LCORL: variants seen among roughly 807,000 people sequenced by gnomAD.
LCORL encodes the protein ligand-dependent nuclear receptor corepressor-like protein.
Under a neutral mutation model 141.8 loss-of-function variants are expected in LCORL, and 41 were observed. The observed-to-expected ratio is 0.29, with a 90% confidence interval of 0.23 to 0.38. The LOEUF (loss-of-function observed/expected upper bound fraction) is 0.38, where lower values mean the gene tolerates loss of function less well. Among genes scored for constraint, LCORL ranks in the 10% least tolerant of loss-of-function variants. LCORL has a pLI of 1.00. For missense variants in LCORL, 1,759 were observed against 2,035.0 expected, an observed-to-expected ratio of 0.86 and a Z score of 2.61; for synonymous variants, 618 against 694.1, an observed-to-expected ratio of 0.89 and a Z score of 1.72.
chr4:17,934,413 GAATT>G (rs1367568809), intron 4 of LCORL, among the ~76,000 whole-genome samples: 1 of 151,958 alleles, frequency 6.6e-6, no homozygotes, highest in Non-Finnish European at 1.5e-5. Flanking sequence ...ACAAAAAATT[GAATT>G]AAGTGAAAAT....
chr4:17,890,666 G>T (rs1728941946), intron 5 of LCORL, among the ~76,000 whole-genome samples: 1 of 151,970 alleles, frequency 6.6e-6, no homozygotes. Flanking sequence ...AAACGCTATT[G>T]TAAAATGTAC....
intron 7 of LCORL, among the ~76,000 whole-genome samples, chr4:17,869,044 CTTT>C (rs571368298): frequency 1.6e-4 from 21 of 133,990 alleles, no homozygotes; most frequent in Admixed American, 5.3e-4. Flanking sequence ...TTCCCACTAC[CTTT>C]TTTTTTTTTT....
At chr4:17,867,409 C>A (rs890939578) in intron 7 of LCORL, among the ~76,000 whole-genome samples, 1 of 152,040 alleles carries the variant, frequency 6.6e-6, no homozygotes, top group Non-Finnish European at 1.5e-5. Flanking sequence ...TCAGCTTCTG[C>A]AGCACAAAAA....
intron 4 of LCORL, among the ~76,000 whole-genome samples, chr4:17,939,578 T>A (rs1351205167): frequency 6.6e-6 from 1 of 152,046 alleles, no homozygotes; most frequent in Non-Finnish European, 1.5e-5. Context: ...TCAGAGAAAG[T>A]AGTAAGAAGG....
chr4:17,846,521 A>G (rs1722956214), intron 7 of LCORL, among the ~76,000 whole-genome samples: 2 of 152,146 alleles, frequency 1.3e-5, no homozygotes, highest in African/African-American at 4.8e-5. Flanking sequence ...AATTAAACTT[A>G]TGGCCAGCTC....
exon 7 of LCORL, chr4:17,876,600 T>C (rs1450878718): frequency 8.1e-7 from 1 of 1,230,734 alleles, no homozygotes; most frequent in Non-Finnish European, 1.0e-6. Context: ...TTTTTTGGCT[T>C]TAGGGGATTT....
At chr4:17,910,884 A>G (rs536242992) in intron 4 of LCORL, among the ~76,000 whole-genome samples, 1 of 152,302 alleles carries the variant, frequency 6.6e-6, no homozygotes, top group Admixed American at 6.5e-5. Flanking sequence ...TGAAAGAGGG[A>G]ACTATGGGCC....
At chr4:17,860,443 C>G (rs1416204289) in intron 7 of LCORL, among the ~76,000 whole-genome samples, 1 of 152,134 alleles carries the variant, frequency 6.6e-6, no homozygotes, top group Non-Finnish European at 1.5e-5. Flanking sequence ...GACTTACTAT[C>G]ACAAGAAGAG....
At chr4:17,958,433 A>T (rs1483044273) in intron 4 of LCORL, among the ~76,000 whole-genome samples, 1 of 151,974 alleles carries the variant, frequency 6.6e-6, no homozygotes, top group Non-Finnish European at 1.5e-5. Context: ...AAAAGATGAG[A>T]CATCTTCCTG....
chr4:17,945,581 A>G (rs957450910), intron 4 of LCORL, among the ~76,000 whole-genome samples: 1 of 152,078 alleles, frequency 6.6e-6, no homozygotes, highest in Non-Finnish European at 1.5e-5. Flanking sequence ...TTCTACAAGC[A>G]TTACAAATTT....
chr4:18,020,343 C>A (rs1725305931), intron 1 of LCORL, among the ~76,000 whole-genome samples: 1 of 151,998 alleles, frequency 6.6e-6, no homozygotes, highest in African/African-American at 2.4e-5. Context: ...GGTTACTCCC[C>A]AACTCCAAAT....
At chr4:17,909,231 T>C in exon 5 of LCORL, 2 of 1,613,476 alleles carry the variant, frequency 1.2e-6, no homozygotes, top group East Asian at 2.2e-5. Flanking sequence ...ACCATTTCTA[T>C]TCTCTTGAGT....
At chr4:17,876,088 C>A in exon 7 of LCORL, 1 of 1,230,912 alleles carries the variant, frequency 8.1e-7, no homozygotes, top group Non-Finnish European at 1.0e-6. Flanking sequence ...CTACTTTTAA[C>A]CTCAGATAAA....
chr4:17,936,041 T>G (rs950174706), intron 4 of LCORL, among the ~76,000 whole-genome samples: 2 of 152,160 alleles, frequency 1.3e-5, no homozygotes, highest in Non-Finnish European at 1.5e-5. Flanking sequence ...TATTCACCTA[T>G]ACCTTTGGAA....
intron 1 of LCORL, 123 bp from the exon 2 acceptor site, chr4:17,973,008 G>C (rs1211319711): frequency 7.3e-6 from 3 of 411,210 alleles, no homozygotes; most frequent in African/African-American, 6.2e-5. Context: ...TTTTCCTCTA[G>C]CTGCATTAAA....
chr4:17,963,245 A>G (rs756052972), intron 2 of LCORL, among the ~76,000 whole-genome samples, 196 bp from the exon 3 acceptor site: 11 of 152,044 alleles, frequency 7.2e-5, no homozygotes, highest in Non-Finnish European at 1.6e-4. Flanking sequence ...AATCTGCACT[A>G]TTATGGGACA....
chr4:17,883,181 G>A, intron 6 of LCORL: 11 of 981,490 alleles, frequency 1.1e-5, no homozygotes, highest in Non-Finnish European at 1.3e-5. Flanking sequence ...TTCATAGAAT[G>A]CACTGTCGTG....
chr4:17,997,783 T>G (rs1437677295), intron 1 of LCORL, among the ~76,000 whole-genome samples: 1 of 151,788 alleles, frequency 6.6e-6, no homozygotes, highest in Non-Finnish European at 1.5e-5. Context: ...TATTGTTTGT[T>G]TGTTAGTAAT....
chr4:17,868,730 T>C (rs1725974688), intron 7 of LCORL, among the ~76,000 whole-genome samples: 1 of 152,150 alleles, frequency 6.6e-6, no homozygotes, highest in Non-Finnish European at 1.5e-5. Context: ...ATCATATAGC[T>C]TCTCACTATT....
Sources: gnomAD v4.1 joint callset for allele counts (sites outside exome capture counted in the v4.1 genomes callset) on GRCh38, gnomAD v4.1.1 for gene constraint, MANE v1.5 for transcripts, NCBI Gene and HGNC (gene_info 2026-07-23, HGNC 2026-07-21) for gene names.